PLEKHA7: variants seen among roughly 807,000 people sequenced by gnomAD.
The protein encoded by PLEKHA7 is pleckstrin homology domain-containing family A member 7.
Under a neutral mutation model 170.0 loss-of-function variants are expected in PLEKHA7, and 104 were observed. The ratio of observed to expected loss-of-function variants is 0.61; its 90% CI spans 0.52 to 0.72. The LOEUF is 0.72. PLEKHA7 is among the 30% of genes least tolerant of loss of function. PLEKHA7 has a pLI of 0.00. For synonymous variants in PLEKHA7, 648 were observed against 660.8 expected, an observed-to-expected ratio of 0.98 and a Z score of 0.30; for missense variants, 1,615 against 1,671.7, an observed-to-expected ratio of 0.97 and a Z score of 0.59.
At chr11:16,831,387 G>A (rs529995523) in intron 9 of PLEKHA7, among the ~76,000 whole-genome samples, 3 of 152,122 alleles carry the variant, frequency 2.0e-5, no homozygotes, top group Admixed American at 6.5e-5. Flanking sequence ...TGCAATGCTC[G>A]ATTTAGCACA....
intron 9 of PLEKHA7, among the ~76,000 whole-genome samples, chr11:16,830,830 A>G (rs1429739940): frequency 1.3e-5 from 2 of 152,246 alleles, no homozygotes; most frequent in Non-Finnish European, 2.9e-5. Flanking sequence ...CACATTGAAT[A>G]CTGTTCCCAT....
At chr11:16,790,139 T>A (rs534940227) in intron 21 of PLEKHA7, 2 of 476,630 alleles carry the variant, frequency 4.2e-6, no homozygotes, top group African/African-American at 3.9e-5. Context: ...TACATGCAGA[T>A]GACTGGGCTG....
Position 16,816,915 on chromosome 11 carries a change from G to T in PLEKHA7, c.1751C>A (p.Pro584His), listed in dbSNP as rs770030420. 1.2e-6 allele frequency: 2 copies of T among 1,614,030 alleles called. No homozygotes were observed. Among genetic ancestry groups the T allele is most frequent in the Non-Finnish European group, 1.7e-6 (2 of 1,179,960 alleles). Reference sequence around the variant, plus strand: ...CTCTGCTGGTGTGTGTGGCCGCCGGGGTGGGAAGACCCTTGGGGGTCCTGG... The same window carrying T: ...CTCTGCTGGTGTGTGTGGCCGCCGGTGTGGGAAGACCCTTGGGGGTCCTGG... The part of the protein sequence containing the change: ...PPPGPPRVFP[P>H]RRPHTPAERV... The change falls in exon 11 of 27, where the codon CCC (proline) becomes CAC (histidine). Residue 584 changes from proline (P) to histidine (H), a missense_variant. Coordinates refer to ENST00000531066, the MANE Select transcript of PLEKHA7 (RefSeq NM_001329630.2).
chr11:16,799,632 C>T (rs566325815), intron 17 of PLEKHA7, among the ~76,000 whole-genome samples: 1 of 152,176 alleles, frequency 6.6e-6, no homozygotes, highest in Non-Finnish European at 1.5e-5. Context: ...ATAACCTGGG[C>T]AGTTTTATAA....
chr11:16,880,931 G>A (rs1389161910), intron 3 of PLEKHA7, among the ~76,000 whole-genome samples: 1 of 152,184 alleles, frequency 6.6e-6, no homozygotes, highest in Non-Finnish European at 1.5e-5. Context: ...ATCTCAGACT[G>A]TCATCCACAG....
At position 16,978,608 on chromosome 11, in the gene PLEKHA7, C is replaced by T. The variant is rs148777103; in HGVS notation, c.221+35381G>A. Among the ~76,000 whole-genome samples the T allele has an allele frequency of 3.3e-3, 509 of 152,212 alleles. 4 individuals are homozygous for T. The highest frequency in any genetic ancestry group is 0.012 in the African/African-American group (486 of 41,522). On this transcript the variant is annotated intron_variant, in intron 3 of 26. Transcript: ENST00000531066. The stretch of plus-strand genomic sequence containing the variant: ...GCATCATTTAATAGTTGGATGGTAC[C>T]GAAATTTCATTAACCAGTTCCTAAT...
At chr11:16,937,985 A>T (rs888912394) in intron 3 of PLEKHA7, among the ~76,000 whole-genome samples, 1 of 152,194 alleles carries the variant, frequency 6.6e-6, no homozygotes, top group Admixed American at 6.5e-5. Context: ...GGAAGCTCCA[A>T]GTCAAATGTG....
intron 3 of PLEKHA7, among the ~76,000 whole-genome samples, chr11:16,908,471 G>C (rs948633399): frequency 1.3e-5 from 2 of 151,306 alleles, no homozygotes; most frequent in Non-Finnish European, 2.9e-5. Flanking sequence ...CAGGTTTCGA[G>C]CTCCCAGACT....
In PLEKHA7 at chr11:16,834,047, A is replaced by G. The variant is rs541616618; in HGVS notation, c.873-7457T>C. On this transcript the variant is annotated intron_variant, in intron 9 of 26. Transcript: ENST00000531066. ...GTTTTTCGAGATGGAGTCTTGCTCT[A>G]TCACCCAGGCTGGAGTGCAGTGGCG... 7.9e-5 allele frequency among the ~76,000 whole-genome samples: 12 copies of G among 151,994 alleles called. No individual in the cohort carries two copies. In the South Asian group the frequency reaches 2.5e-3, roughly 32 times the overall value.
chr11:16,892,406 T>G (rs965556178), intron 3 of PLEKHA7, among the ~76,000 whole-genome samples: 14 of 136,810 alleles, frequency 1.0e-4, no homozygotes, highest in Non-Finnish European at 1.5e-4. Flanking sequence ...TTGTTTTATT[T>G]TGTGTGTGTG....
intron 3 of PLEKHA7, among the ~76,000 whole-genome samples, chr11:16,938,016 C>T (rs888455542): frequency 1.3e-5 from 2 of 152,188 alleles, no homozygotes; most frequent in Admixed American, 1.3e-4. Context: ...GAAACACAGA[C>T]CCTTAATGTG....
At chr11:16,974,350 G>A (rs1425687638) in intron 3 of PLEKHA7, among the ~76,000 whole-genome samples, 1 of 148,102 alleles carries the variant, frequency 6.8e-6, no homozygotes, top group East Asian at 2.0e-4. Flanking sequence ...GGTGCCACCC[G>A]TTTTTGCTTA....
rs146035550 is a variant in PLEKHA7 at position 16,849,676 on chromosome 11, T to C, written c.696+1515A>G. On this transcript the variant is annotated intron_variant, in intron 8 of 26. Coordinates refer to ENST00000531066, the MANE Select transcript of PLEKHA7 (RefSeq NM_001329630.2). ...TCAGGGCCAAGTTCTGCCTCTGTCA[T>C]CTTCCAGCTTTGTGACTTTGGGCAA... Among the ~76,000 whole-genome samples, 249 of 152,354 alleles carry C rather than the reference T, an allele frequency of 1.6e-3. 1 individual carries two copies. Among genetic ancestry groups the C allele is most frequent in the African/African-American group, 5.7e-3 (238 of 41,580 alleles).
chr11:16,865,618 AC>A (rs1166899528), intron 4 of PLEKHA7, among the ~76,000 whole-genome samples: 2 of 76,002 alleles, frequency 2.6e-5, no homozygotes, highest in Non-Finnish European at 7.0e-5. Flanking sequence ...AATCACTTGA[AC>A]CCAGGAGGTA....
chr11:16,961,045 G>A (rs944568931), intron 3 of PLEKHA7, among the ~76,000 whole-genome samples: 3 of 152,290 alleles, frequency 2.0e-5, no homozygotes, highest in African/African-American at 4.8e-5. Flanking sequence ...CCACTGCCCC[G>A]TGCCCAAGAG....
intron 9 of PLEKHA7, among the ~76,000 whole-genome samples, chr11:16,838,169 A>C (rs1424099356): frequency 2.0e-5 from 3 of 152,164 alleles, no homozygotes; most frequent in African/African-American, 7.2e-5. Flanking sequence ...TCAGTAGAAA[A>C]ATGGGCAGAG....
chr11:16,804,331 G>A lies in PLEKHA7; in HGVS notation c.2008-1036C>T, dbSNP rs567792073. On this transcript the variant is annotated intron_variant, in intron 13 of 26. Coordinates refer to ENST00000531066, the MANE Select transcript of PLEKHA7 (RefSeq NM_001329630.2). ...GTGTGCTATGCAGAGAGGTCCCAAT[G>A]TGGACCGATAGCTGCTGGAGAGAGA... 9.2e-5 allele frequency among the ~76,000 whole-genome samples: 14 copies of A among 152,348 alleles called. No individual in the cohort carries two copies. In the South Asian group the frequency reaches 2.7e-3, roughly 29 times the overall value.
intron 3 of PLEKHA7, among the ~76,000 whole-genome samples, chr11:16,888,924 C>T (rs1314024013): frequency 9.3e-4 from 135 of 145,570 alleles, no homozygotes; most frequent in African/African-American, 3.2e-3. Context: ...AAAAGAAACC[C>T]TGTCTCTACT....
At chr11:16,785,974 T>A (rs910960084) in intron 24 of PLEKHA7, among the ~76,000 whole-genome samples, 1 of 152,182 alleles carries the variant, frequency 6.6e-6, no homozygotes, top group Non-Finnish European at 1.5e-5. Flanking sequence ...CACAACCCAC[T>A]TCACTGTTGA....
Sources: allele counts gnomAD v4.1 joint callset (sites outside exome capture counted in the v4.1 genomes callset), GRCh38; gene constraint gnomAD v4.1.1; transcripts MANE v1.5; gene names NCBI Gene and HGNC (gene_info 2026-07-23, HGNC 2026-07-21).